Variants in CDH13 observed in about 807,000 individuals in gnomAD.
CDH13 encodes the protein cadherin 13.
In CDH13, 24 loss-of-function variants were observed where a neutral mutation model predicts 63.8. The ratio of observed to expected loss-of-function variants is 0.38; its 90% CI spans 0.27 to 0.53. The LOEUF is 0.53. Among genes scored for constraint, CDH13 ranks in the 20% least tolerant of loss-of-function variants. CDH13 has a pLI of 0.85. For synonymous variants in CDH13, 503 were observed against 355.3 expected (o/e 1.42, Z -4.67); for missense variants, 1,049 against 903.1 (o/e 1.16, Z -2.07).
intron 6 of CDH13, among the ~76,000 whole-genome samples, chr16:83,357,195 C>G (rs958976754): frequency 1.3e-5 from 2 of 152,148 alleles, no homozygotes; most frequent in Non-Finnish European, 2.9e-5. Context: ...GCTGCTTTGC[C>G]ATCTGTTCCT....
At chr16:83,431,545 G>A (rs1043802688) in intron 6 of CDH13, among the ~76,000 whole-genome samples, 2 of 152,010 alleles carry the variant, frequency 1.3e-5, no homozygotes, top group African/African-American at 2.4e-5. Flanking sequence ...TTTTAAAAAG[G>A]CTTAATTGGG....
chr16:83,022,529 G>A (rs1267396913), intron 2 of CDH13, among the ~76,000 whole-genome samples: 2 of 152,104 alleles, frequency 1.3e-5, no homozygotes, highest in Non-Finnish European at 2.9e-5. Flanking sequence ...ACAGAAATCG[G>A]CAGATGCTAC....
At chr16:82,905,584 C>T (rs1461705814) in intron 2 of CDH13, among the ~76,000 whole-genome samples, 2 of 151,972 alleles carry the variant, frequency 1.3e-5, no homozygotes, top group African/African-American at 2.4e-5. Flanking sequence ...TTTTCCTTAA[C>T]CAGTACTGTC....
At chr16:83,113,961 C>T (rs554568358) in intron 3 of CDH13, among the ~76,000 whole-genome samples, 21 of 151,258 alleles carry the variant, frequency 1.4e-4, no homozygotes, top group South Asian at 6.3e-4. Context: ...GGCTTAATGA[C>T]GGGGAGAAGA....
At chr16:83,354,359 C>T (rs993596925) in intron 6 of CDH13, among the ~76,000 whole-genome samples, 2 of 152,202 alleles carry the variant, frequency 1.3e-5, no homozygotes, top group Non-Finnish European at 2.9e-5. Flanking sequence ...ATCAATTCTT[C>T]ATAACCATTT....
chr16:83,500,960 T>A (rs1411516145), intron 7 of CDH13, among the ~76,000 whole-genome samples: 1 of 152,168 alleles, frequency 6.6e-6, no homozygotes, highest in Admixed American at 6.5e-5. Flanking sequence ...CCTCCGTTAA[T>A]GTTTTTAAGA....
At chr16:82,877,244 A>T (rs2040537419) in intron 2 of CDH13, among the ~76,000 whole-genome samples, 1 of 152,330 alleles carries the variant, frequency 6.6e-6, no homozygotes, top group African/African-American at 2.4e-5. Flanking sequence ...AGTTTACTGA[A>T]ATAAGTCTGA....
chr16:83,594,593 A>G (rs552651853), intron 7 of CDH13, among the ~76,000 whole-genome samples: 2 of 152,338 alleles, frequency 1.3e-5, no homozygotes, highest in South Asian at 2.1e-4. Context: ...GTGGGGTACC[A>G]TGGAAAGAAA....
At chr16:83,419,129 GT>G (rs1247448368) in intron 6 of CDH13, among the ~76,000 whole-genome samples, 2 of 152,092 alleles carry the variant, frequency 1.3e-5, no homozygotes, top group Non-Finnish European at 2.9e-5. Context: ...CCTGACAGCT[GT>G]CGTTTTGTGA....
intron 1 of CDH13, among the ~76,000 whole-genome samples, chr16:82,718,076 C>G (rs1262988559): frequency 6.6e-6 from 1 of 152,180 alleles, no homozygotes; most frequent in Non-Finnish European, 1.5e-5. Context: ...GAGAGGTGAT[C>G]TCAGGAAACC....
chr16:82,692,015 T>G (rs1331252265), intron 1 of CDH13, among the ~76,000 whole-genome samples: 2 of 152,224 alleles, frequency 1.3e-5, no homozygotes, highest in Admixed American at 1.3e-4. Context: ...TTCAATTATG[T>G]TTTTCATAAT....
intron 2 of CDH13, among the ~76,000 whole-genome samples, chr16:82,980,077 AGTGATGGCAGGGACAG>A (rs1910060996): frequency 9.1e-6 from 1 of 110,106 alleles, no homozygotes; most frequent in Non-Finnish European, 2.4e-5. Context: ...CCCAGGGGCT[AGTGATGGCAGGGACAG>A]TTATCTGCCC....
chr16:83,751,949 G>C (rs448802), intron 11 of CDH13, among the ~76,000 whole-genome samples: 41,259 of 152,154 alleles, frequency 0.27, 6,002 homozygotes, highest in Non-Finnish European at 0.34. Context: ...TTTTGATTAG[G>C]GAGTTGCCCA....
chr16:83,456,059 G>A (rs1411246542), intron 6 of CDH13, among the ~76,000 whole-genome samples: 2 of 152,318 alleles, frequency 1.3e-5, no homozygotes, highest in Non-Finnish European at 2.9e-5. Context: ...TCTCACCTGC[G>A]TTCCAATATC....
intron 6 of CDH13, among the ~76,000 whole-genome samples, chr16:83,387,094 A>C (rs1055901768): frequency 6.6e-6 from 1 of 152,184 alleles, no homozygotes; most frequent in Non-Finnish European, 1.5e-5. Flanking sequence ...GAGGCAGGGG[A>C]GGAAAACAGG....
intron 2 of CDH13, among the ~76,000 whole-genome samples, chr16:83,003,856 G>C (rs148255324): frequency 4.6e-5 from 7 of 152,296 alleles, no homozygotes; most frequent in African/African-American, 7.2e-5. Context: ...GTATAAATAA[G>C]AGCTTACATA....
In CDH13 at chr16:83,243,311, C is replaced by T. The variant is rs62040371; in HGVS notation, c.636+25814C>T. On this transcript the variant is annotated intron_variant, in intron 5 of 13. Transcript: ENST00000567109. Reference sequence around the variant, plus strand: ...GTTCCTCATGGCTGGAGAGGCCTCACGGCGATGGTGGAAGGTGAGAGGCAC... The same window carrying T: ...GTTCCTCATGGCTGGAGAGGCCTCATGGCGATGGTGGAAGGTGAGAGGCAC... Among the ~76,000 whole-genome samples, 299 of 152,208 alleles carry T rather than the reference C, an allele frequency of 2.0e-3. No individual in the cohort carries two copies. In the South Asian group the frequency reaches 0.021, roughly 11 times the overall value.
chr16:82,703,840 T>A (rs1251614406), intron 1 of CDH13, among the ~76,000 whole-genome samples: 1 of 152,132 alleles, frequency 6.6e-6, no homozygotes, highest in Non-Finnish European at 1.5e-5. Context: ...AGGAAGCTGG[T>A]CATTCAGAGC....
chr16:83,014,741 AAAAT>A lies in CDH13; in HGVS notation c.158-17267_158-17264del, dbSNP rs1273878695. Among the ~76,000 whole-genome samples the A allele has an allele frequency of 1.1e-3, 37 of 33,322 alleles. 1 individual carries two copies. The highest frequency in any genetic ancestry group is 4.6e-3 in the Admixed American group (12 of 2,590). The allele number at this position is 33,322 out of a possible 152,430, so 21.9% of individuals were successfully genotyped here. ...GGGAGACTCCATCTAAAAAAAAAAA[AAAAT>A]ATATATATATATATATATATATATA... On this transcript the variant is annotated intron_variant, in intron 2 of 13. Coordinates refer to ENST00000567109, the MANE Select transcript of CDH13 (RefSeq NM_001257.5).
Sources: allele counts gnomAD v4.1 joint callset (sites outside exome capture counted in the v4.1 genomes callset), GRCh38; gene constraint gnomAD v4.1.1; transcripts MANE v1.5; gene names NCBI Gene and HGNC (gene_info 2026-07-23, HGNC 2026-07-21).